The following CRYL1 variants were observed in gnomAD, a reference collection of about 807,000 sequenced individuals.
CRYL1 encodes crystallin lambda 1, also known as lambda-crystallin homolog.
CRYL1 carries 29 observed loss-of-function variants against 36.6 expected under a neutral mutation model. The observed-to-expected ratio is 0.79, with a 90% CI of 0.59 to 1.08. CRYL1 has a LOEUF of 1.08. Among genes scored for constraint, CRYL1 ranks in the 50% least tolerant of loss-of-function variants. The probability of loss-of-function intolerance (pLI) is 0.00; values close to 1 mark genes in which losing one functional copy is unlikely to be tolerated. For synonymous variants in CRYL1, 152 were observed against 151.5 expected (o/e 1.00, Z -0.02); for missense variants, 411 against 407.9 (o/e 1.01, Z -0.06).
chr13:20,413,247 A>C, intron 6 of CRYL1, 35 bp downstream of exon 6: 1 of 1,411,702 alleles, frequency 7.1e-7, no homozygotes, highest in Non-Finnish European at 1.0e-6. Context: ...AACACTAAAT[A>C]GAATGGAATT....
intron 3 of CRYL1, among the ~76,000 whole-genome samples, chr13:20,456,471 T>G (rs1251126149): frequency 8.1e-6 from 1 of 123,468 alleles, no homozygotes; most frequent in Admixed American, 8.9e-5. Context: ...TGAGACTCCG[T>G]CTCAAAACAA....
At chr13:20,521,533 C>G (rs967106186) in intron 1 of CRYL1, among the ~76,000 whole-genome samples, 23 of 152,082 alleles carry the variant, frequency 1.5e-4, no homozygotes, top group African/African-American at 5.1e-4. Context: ...GGCCTTTTTT[C>G]CAACCACTAT....
chr13:20,474,320 C>A (rs1212291136), intron 3 of CRYL1, among the ~76,000 whole-genome samples: 3 of 152,220 alleles, frequency 2.0e-5, no homozygotes, highest in Non-Finnish European at 4.4e-5. Context: ...GCAGCTCTCA[C>A]GCCCACCTGC....
In CRYL1 at chr13:20,435,430, C is replaced by T. The variant is rs1396602525; in HGVS notation, c.439-3134G>A. Among the ~76,000 whole-genome samples the T allele has an allele frequency of 6.6e-6, 1 of 152,136 alleles. No individual in the cohort carries two copies. Among genetic ancestry groups the T allele is most frequent in the Non-Finnish European group, 1.5e-5 (1 of 68,006 alleles). ...CTTCCATCCACACCTCCGTGTCCAC[C>T]TACGGAAGCCGCCGCAAAAGGACCT... On this transcript the variant is annotated intron_variant, in intron 4 of 7. Transcript: ENST00000298248. This position sits in a 1 kb window ranked among gnomAD's most constrained non-coding sequence, Gnocchi z 4.0.
At chr13:20,448,642 A>G (rs1268484416) in intron 3 of CRYL1, among the ~76,000 whole-genome samples, 5 of 152,236 alleles carry the variant, frequency 3.3e-5, no homozygotes, top group Non-Finnish European at 5.9e-5. Flanking sequence ...GCAAGATAGA[A>G]GACAATGCAA....
At chr13:20,508,505 A>G (rs2033844000) in intron 2 of CRYL1, among the ~76,000 whole-genome samples, 1 of 152,122 alleles carries the variant, frequency 6.6e-6, no homozygotes, top group Admixed American at 6.5e-5. Flanking sequence ...TCACCTCCAT[A>G]AAACCAAATA....
chr13:20,524,583 G>A (rs1374308890), intron 1 of CRYL1, among the ~76,000 whole-genome samples: 2 of 152,060 alleles, frequency 1.3e-5, no homozygotes, highest in Non-Finnish European at 2.9e-5. Flanking sequence ...CTCCATATTG[G>A]TCAGGCTGGT....
chr13:20,451,126 G>A (rs1357766787), intron 3 of CRYL1, among the ~76,000 whole-genome samples: 2 of 151,958 alleles, frequency 1.3e-5, no homozygotes, highest in African/African-American at 2.4e-5. Context: ...GAGTTAATGG[G>A]TGCAGCACAC....
At chr13:20,503,901 C>T (rs150498521) in intron 2 of CRYL1, among the ~76,000 whole-genome samples, 94 of 152,322 alleles carry the variant, frequency 6.2e-4, no homozygotes, top group African/African-American at 2.1e-3. Flanking sequence ...AGACACAGTA[C>T]AGGCCTACCT....
rs2031534078 is a variant in CRYL1 at position 20,411,957 on chromosome 13, T to G, written c.739+1325A>C. Among the ~76,000 whole-genome samples the G allele has an allele frequency of 2.0e-5, 3 of 152,228 alleles. No homozygotes were observed. In the South Asian group the frequency reaches 6.2e-4, roughly 32 times the overall value. ...ATTATTCATTGGACAGCATATTTCA[T>G]TAACTACTGTGAAAATTGACTGAAC... is the stretch of plus-strand genomic sequence containing the variant. On this transcript the variant is annotated intron_variant, in intron 6 of 7. Transcript: ENST00000298248.
chr13:20,404,050 A>G lies in CRYL1; in HGVS notation c.*79T>C. ...ATCTCCGTGGGCTGCTACCTATGTC[A>G]CAGAGGGCTGATTAAGGGCTTGCAG... On this transcript the variant is annotated 3_prime_UTR_variant, in exon 8 of 8. Coordinates refer to ENST00000298248, the MANE Select transcript of CRYL1 (RefSeq NM_015974.3). 2 of 995,200 alleles carry G rather than the reference A, an allele frequency of 2.0e-6. No individual in the cohort carries two copies. The highest frequency in any genetic ancestry group is 3.2e-6 in the Non-Finnish European group (2 of 632,462). The allele number at this position is 995,200 out of a possible 1,614,324, so 61.6% of individuals were successfully genotyped here. A position where few individuals can be genotyped will look rare whatever the true frequency, so the allele number is the denominator to read the frequency against.
chr13:20,466,012 A>G (rs2032925257), intron 3 of CRYL1, among the ~76,000 whole-genome samples: 1 of 151,412 alleles, frequency 6.6e-6, no homozygotes, highest in Non-Finnish European at 1.5e-5. Flanking sequence ...TACACACATC[A>G]GCTTCCCTTC....
intron 6 of CRYL1, among the ~76,000 whole-genome samples, chr13:20,409,056 A>G (rs991954251): frequency 6.6e-6 from 1 of 152,222 alleles, no homozygotes; most frequent in Admixed American, 6.5e-5. Context: ...GTCCTAAGCC[A>G]AAAGAACAAA....
chr13:20,499,541 T>C (rs564131866), intron 2 of CRYL1, among the ~76,000 whole-genome samples: 1 of 151,312 alleles, frequency 6.6e-6, no homozygotes, highest in Admixed American at 6.6e-5. Context: ...TAGTCCCAGC[T>C]ACTAGGGAGG....
chr13:20,471,298 C>T lies in CRYL1; in HGVS notation c.276+18072G>A, dbSNP rs111893952. 9.3e-4 allele frequency among the ~76,000 whole-genome samples: 141 copies of T among 152,200 alleles called. 1 individual carries two copies. In the East Asian group the frequency reaches 0.022, roughly 24 times the overall value. On this transcript the variant is annotated intron_variant, in intron 3 of 7. Transcript: ENST00000298248. ...ATGTATATGAAAAAGACAGGCCAGGCGCGGTGGCTCACGCCTGTAATCCCA... is the reference window on the plus strand; with the variant it reads ...ATGTATATGAAAAAGACAGGCCAGGTGCGGTGGCTCACGCCTGTAATCCCA...
chr13:20,418,738 T>C (rs540652193), intron 5 of CRYL1: 4 of 152,232 alleles, frequency 2.6e-5, no homozygotes, highest in South Asian at 4.1e-4. Flanking sequence ...TTCACATTTT[T>C]CTTGTGCAAA....
At chr13:20,420,675 C>T (rs2031778619) in intron 5 of CRYL1, among the ~76,000 whole-genome samples, 1 of 119,462 alleles carries the variant, frequency 8.4e-6, no homozygotes, top group African/African-American at 3.0e-5. Context: ...GGAGTTTTTC[C>T]CTTTGACTTT....
chr13:20,430,478 C>T (rs923350584), intron 5 of CRYL1: 68 of 985,250 alleles, frequency 6.9e-5, no homozygotes, highest in Non-Finnish European at 8.1e-5. Context: ...TGCCATGACC[C>T]ATGAAGAGGG....
In CRYL1 at chr13:20,431,247, T is replaced by C. The variant is rs546019877; in HGVS notation, c.633+855A>G. The C allele has an allele frequency of 1.1e-5, 11 of 985,414 alleles. 1 individual carries two copies. In the South Asian group the frequency reaches 1.4e-4, roughly 13 times the overall value. 61.0% of individuals were successfully genotyped at this position (985,414 alleles called of 1,614,324 possible). A position where few individuals can be genotyped will look rare whatever the true frequency, so the allele number is the denominator to read the frequency against. On this transcript the variant is annotated intron_variant, in intron 5 of 7. Coordinates refer to ENST00000298248, the MANE Select transcript of CRYL1 (RefSeq NM_015974.3). ...TCAGGCAAGGCTCGGTGTGTGTCCA[T>C]GCGAGTCCAAACAAGGAACTGTGGA...
Sources: gnomAD v4.1 joint callset for allele counts (sites outside exome capture counted in the v4.1 genomes callset) on GRCh38, gnomAD v4.1.1 for gene constraint, Gnocchi (gnomAD v3.1) non-coding constraint, MANE v1.5 for transcripts, NCBI Gene and HGNC (gene_info 2026-07-23, HGNC 2026-07-21) for gene names.